The following CREBBP variants were observed in gnomAD, a reference collection of about 807,000 sequenced individuals.
CREBBP encodes CREB binding lysine acetyltransferase, also known as CREB-binding protein.
A neutral mutation model predicts 265.0 loss-of-function variants in CREBBP; 19 were observed. That is an observed-to-expected ratio of 0.07 (90% CI 0.05 to 0.11). The LOEUF (loss-of-function observed/expected upper bound fraction) is 0.11. Ranked by LOEUF, CREBBP falls within the 10% of genes least tolerant of loss-of-function variation. The pLI is 1.00. For synonymous variants in CREBBP, 1,457 were observed against 1,223.7 expected, an observed-to-expected ratio of 1.19 and a Z score of -3.98; for missense variants, 2,525 against 3,219.0, an observed-to-expected ratio of 0.78 and a Z score of 5.22.
intron 5 of CREBBP, among the ~76,000 whole-genome samples, chr16:3,789,230 G>A (rs1027081132): frequency 1.3e-5 from 2 of 152,110 alleles, no homozygotes; most frequent in African/African-American, 2.4e-5. Flanking sequence ...GGTGGGTCTC[G>A]GCAGAGTCCC....
intron 2 of CREBBP, among the ~76,000 whole-genome samples, chr16:3,832,734 T>C (rs1405850071): frequency 5.3e-5 from 8 of 152,198 alleles, no homozygotes; most frequent in African/African-American, 1.7e-4. Flanking sequence ...CCAAAATTCG[T>C]TATGTAGCAC....
chr16:3,757,804 T>C lies in CREBBP; in HGVS notation c.3609+5A>G, dbSNP rs1423626049. On this transcript the variant is annotated splice_donor_5th_base_variant and intron_variant, in intron 18 of 30. Transcript: ENST00000262367. The stretch of plus-strand genomic sequence containing the variant: ...TTCACTTTCCGGAAAAACTTAAAAC[T>C]GTACCTTGCGTCCACAGCAATATCC... 4 of 1,613,960 alleles carry C rather than the reference T, an allele frequency of 2.5e-6. No homozygotes were observed. Among genetic ancestry groups the C allele is most frequent in the African/African-American group, 1.3e-5 (1 of 74,914 alleles).
At chr16:3,833,842 G>A (rs2141422572) in intron 2 of CREBBP, among the ~76,000 whole-genome samples, 1 of 152,138 alleles carries the variant, frequency 6.6e-6, no homozygotes, top group African/African-American at 2.4e-5. Context: ...AGAATGAGAA[G>A]ACAATCCACA....
intron 1 of CREBBP, among the ~76,000 whole-genome samples, chr16:3,876,399 CAAAAAAAAAAAAAAAAAA>C (rs71133663): frequency 2.2e-4 from 4 of 18,156 alleles, no homozygotes; most frequent in Non-Finnish European, 4.6e-4. Context: ...TAAAGCTGAC[CAAAAAAAAAAAAAAAAAA>C]AAAAAAAAAC....
intron 28 of CREBBP, among the ~76,000 whole-genome samples, chr16:3,732,792 CAAG>C (rs1458776428): frequency 2.6e-5 from 4 of 151,650 alleles, no homozygotes; most frequent in African/African-American, 9.7e-5. Flanking sequence ...CCTCTGCCTC[CAAG>C]GTTCAAGCGA....
intron 23 of CREBBP, chr16:3,742,499 G>T (rs1156826877): frequency 6.6e-6 from 1 of 152,218 alleles, no homozygotes; most frequent in African/African-American, 2.4e-5. Context: ...CATCCATGGC[G>T]CATGACAGGG....
rs748112072 is a variant in CREBBP, at chr16:3,780,896, A to G, written c.1677-18T>C. Reference sequence around the variant, plus strand: ...TCAGTGGGCTAAGGAGGAAATAAAGACACTTCATCCATCTACTGAAGTGAC... The same window carrying G: ...TCAGTGGGCTAAGGAGGAAATAAAGGCACTTCATCCATCTACTGAAGTGAC... On this transcript the variant is annotated intron_variant, in intron 7 of 30. Transcript: ENST00000262367. The G allele has an allele frequency of 7.3e-5, 117 of 1,612,720 alleles. No homozygotes were observed. The highest frequency in any genetic ancestry group is 1.9e-4 in the Middle Eastern group (1 of 5,136).
intron 30 of CREBBP, among the ~76,000 whole-genome samples, chr16:3,730,801 A>G (rs1487956307): frequency 6.6e-6 from 1 of 152,066 alleles, no homozygotes; most frequent in Non-Finnish European, 1.5e-5. Flanking sequence ...GTCATTTCAC[A>G]GGGGGGTCAA....
At chr16:3,811,113 G>A (rs569064909) in intron 2 of CREBBP, among the ~76,000 whole-genome samples, 1 of 152,078 alleles carries the variant, frequency 6.6e-6, no homozygotes, top group Non-Finnish European at 1.5e-5. Context: ...TACCCAAGGG[G>A]AATTCTTTCA....
chr16:3,780,711 A>G, intron 8 of CREBBP, 21 bp downstream of exon 8: 1 of 1,613,398 alleles, frequency 6.2e-7, no homozygotes, highest in Non-Finnish European at 8.5e-7. Context: ...ACATCTATGA[A>G]ACTGCAAAAC....
intron 17 of CREBBP, 25 bp from the exon 18 acceptor site, chr16:3,758,073 G>T (rs936216283): frequency 1.9e-6 from 3 of 1,609,526 alleles, no homozygotes; most frequent in Non-Finnish European, 2.5e-6. Context: ...AATGGTCTCA[G>T]TATAGGGAAT....
At chr16:3,787,723 G>C (rs778463759) in intron 5 of CREBBP, among the ~76,000 whole-genome samples, 1 of 151,954 alleles carries the variant, frequency 6.6e-6, no homozygotes, top group Admixed American at 6.6e-5. Context: ...GCAGTGGTGC[G>C]ATCTTGGCTC....
chr16:3,736,320 T>C, intron 27 of CREBBP, 117 bp from the exon 28 acceptor site: 1 of 1,076,580 alleles, frequency 9.3e-7, no homozygotes, highest in Non-Finnish European at 1.4e-6. Context: ...GTCCCATGCA[T>C]GTGTGCCCCC....
chr16:3,727,909 T>G lies in CREBBP; in HGVS notation c.7138A>C (p.Thr2380Pro), dbSNP rs1039054233. Residue 2380 changes from threonine (T) to proline (P), a missense_variant, in exon 31 of 31, where the codon ACT becomes CCT. Thr to Pro is a conservative substitution (Grantham distance 38). Around this residue, in one of 19 missense-constraint regions of CREBBP, gnomAD observed 473 missense variants for 459.3 expected, o/e 1.03. Transcript: ENST00000262367. ...GCGAGTCCGGGGTGGGGGGAACCAG[T>G]CTGGGGTGAGACGTGGTGTGGCGAA... is the stretch of plus-strand genomic sequence containing the variant. The part of the protein sequence containing the change: ...QPSPHHVSPQ[T>P]GSPHPGLAVT... 6.2e-7 allele frequency: 1 copy of G among 1,612,244 alleles called. No individual in the cohort carries two copies. The highest frequency in any genetic ancestry group is 8.5e-7 in the Non-Finnish European group (1 of 1,178,850).
intron 13 of CREBBP, among the ~76,000 whole-genome samples, chr16:3,771,804 T>C (rs917112168): frequency 6.5e-4 from 94 of 144,210 alleles, no homozygotes; most frequent in South Asian, 3.1e-3. Flanking sequence ...ATTTAAAACT[T>C]TTTTTTTTTT....
rs138925237 is a variant in CREBBP, at chr16:3,766,113, T to C, written c.3250+1607A>G. Among the ~76,000 whole-genome samples the C allele has an allele frequency of 2.6e-5, 4 of 152,194 alleles. No individual in the cohort carries two copies. In the East Asian group the frequency reaches 5.8e-4, roughly 22 times the overall value. ...ATATGGAAAATCTGCAGAACTTAAG[T>C]GTCAATTGAAAAAAAAATCATGCAA... On this transcript the variant is annotated intron_variant, in intron 16 of 30. Transcript: ENST00000262367.
intron 1 of CREBBP, among the ~76,000 whole-genome samples, chr16:3,855,301 T>C (rs1341845233): frequency 1.3e-5 from 2 of 152,216 alleles, no homozygotes; most frequent in Non-Finnish European, 2.9e-5. Flanking sequence ...TCTTGCTCTG[T>C]TGCCCACGCT....
intron 2 of CREBBP, among the ~76,000 whole-genome samples, chr16:3,826,494 C>T (rs1022889125): frequency 1.5e-4 from 23 of 152,222 alleles, no homozygotes; most frequent in African/African-American, 5.3e-4. Context: ...CTGTGGGCAG[C>T]ATCAACCATA....
chr16:3,759,064 A>G lies in CREBBP; in HGVS notation c.3251-92T>C. On this transcript the variant is annotated intron_variant, in intron 16 of 30. Coordinates refer to ENST00000262367, the MANE Select transcript of CREBBP (RefSeq NM_004380.3). Reference sequence around the variant, plus strand: ...AAAACGGAATCCTGGCTGCTGTGACATCCCAGCCACGATGCTCCTAAGGCA... The same window carrying G: ...AAAACGGAATCCTGGCTGCTGTGACGTCCCAGCCACGATGCTCCTAAGGCA... 3.9e-6 allele frequency: 4 copies of G among 1,013,538 alleles called. No individual in the cohort carries two copies. In the South Asian group the frequency reaches 5.1e-5, roughly 13 times the overall value. 62.8% of individuals were successfully genotyped at this position (1,013,538 alleles called of 1,614,324 possible).
Sources: gnomAD v4.1 joint callset for allele counts (sites outside exome capture counted in the v4.1 genomes callset) on GRCh38, gnomAD v4.1.1 for gene constraint, gnomAD v4.1.1 regional missense constraint, MANE v1.5 for transcripts, NCBI Gene and HGNC (gene_info 2026-07-23, HGNC 2026-07-21) for gene names.